The following DAPK1 variants were observed in gnomAD, a reference collection of about 807,000 sequenced individuals.
The protein encoded by DAPK1 is death associated protein kinase 1.
A neutral mutation model predicts 144.9 loss-of-function variants in DAPK1; 56 were observed. That is an observed-to-expected ratio of 0.39 (90% CI 0.31 to 0.48). DAPK1 has a LOEUF of 0.48. Ranked by LOEUF, DAPK1 falls within the 20% of genes least tolerant of loss-of-function variation. The pLI, the probability that DAPK1 is intolerant of heterozygous loss-of-function variation, is 0.95. For synonymous variants in DAPK1, 690 were observed against 749.0 expected, an observed-to-expected ratio of 0.92 and a Z score of 1.29; for missense variants, 1,454 against 1,875.4, an observed-to-expected ratio of 0.78 and a Z score of 4.15.
chr9:87,517,138 T>A (rs574995854), intron 2 of DAPK1, among the ~76,000 whole-genome samples: 141 of 151,818 alleles, frequency 9.3e-4, no homozygotes, highest in South Asian at 5.4e-3. Flanking sequence ...GAGTGAAGAA[T>A]GCGATTGGGG....
At chr9:87,546,274 G>A (rs752869867) in intron 2 of DAPK1, among the ~76,000 whole-genome samples, 2 of 152,176 alleles carry the variant, frequency 1.3e-5, no homozygotes, top group Admixed American at 6.5e-5. Flanking sequence ...AGCAGGGTCC[G>A]TCAGGAGGCA....
At chr9:87,659,384 A>G (rs1164991724) in intron 18 of DAPK1, among the ~76,000 whole-genome samples, 1 of 152,144 alleles carries the variant, frequency 6.6e-6, no homozygotes, top group Non-Finnish European at 1.5e-5. Flanking sequence ...CTTGTTGGCC[A>G]TTGTCAAGCC....
chr9:87,706,405 C>A lies in DAPK1; in HGVS notation c.3334C>A (p.Leu1112Met). 1 of 1,612,760 alleles carries A rather than the reference C, an allele frequency of 6.2e-7. No individual in the cohort carries two copies. The highest frequency in any genetic ancestry group is 8.5e-7 in the Non-Finnish European group (1 of 1,179,364). Residue 1112 changes from leucine to methionine, a missense_variant, in exon 26 of 26, where the codon CTG (leucine) becomes ATG (methionine). By Grantham distance (15) the Leu-to-Met change is conservative (BLOSUM62 2). This residue lies in a region of DAPK1 where 1,025 missense variants were observed against 1,237.9 expected (regional missense o/e 0.83). Transcript: ENST00000408954. The surrounding 1 kb of genome is among the most constrained non-coding windows in gnomAD (Gnocchi z 9.0). ...CCCAGCCCTGATCAAGACAGACAAC[C>A]TGCACCGCTCCTGGGCTGATGAGGA... ...DVPALIKTDN[L>M]HRSWADEEDE...
At chr9:87,598,817 A>G in intron 2 of DAPK1, among the ~76,000 whole-genome samples, 1 of 152,232 alleles carries the variant, frequency 6.6e-6, no homozygotes, top group East Asian at 1.9e-4. Flanking sequence ...AGAAACAGGA[A>G]TGCTGCCATC....
In DAPK1 at chr9:87,707,186, C is replaced by T; in HGVS notation, c.4115C>T (p.Thr1372Ile). Reference sequence around the variant, plus strand: ...GAATGGACCACCTACCCTGAGAGCACAGTGGGCACCCTCATGTCCAAACTG... The same window carrying T: ...GAATGGACCACCTACCCTGAGAGCATAGTGGGCACCCTCATGTCCAAACTG... Reference protein sequence around the residue: ...LREWTTYPESTVGTLMSKLRE... With the variant: ...LREWTTYPESIVGTLMSKLRE... The change falls in exon 26 of 26, where the codon ACA becomes ATA. Residue 1372 changes from threonine (T) to isoleucine (I), a missense_variant. Physicochemically the swap from Thr to Ile is moderately conservative, Grantham distance 89. Coordinates refer to ENST00000408954, the MANE Select transcript of DAPK1 (RefSeq NM_004938.4). This position sits in a 1 kb window ranked among gnomAD's most constrained non-coding sequence, Gnocchi z 4.0. The T allele has an allele frequency of 6.2e-7, 1 of 1,614,146 alleles. No individual in the cohort carries two copies. Among genetic ancestry groups the T allele is most frequent in the African/African-American group, 1.3e-5 (1 of 75,068 alleles).
At position 87,559,106 on chromosome 9, in the gene DAPK1, T is replaced by C. The variant is rs1826817233; in HGVS notation, c.63-45848T>C. Among the ~76,000 whole-genome samples, 4 of 152,246 alleles carry C rather than the reference T, an allele frequency of 2.6e-5. No homozygotes were observed. In the South Asian group the frequency reaches 8.3e-4, roughly 31 times the overall value. On this transcript the variant is annotated intron_variant, in intron 2 of 25. Transcript: ENST00000408954. Reference sequence around the variant, plus strand: ...GTTGGCATTCGTAGAGCCTGTACTCTGAGACGGGGATTTTGTGCTTGACGT... The same window carrying C: ...GTTGGCATTCGTAGAGCCTGTACTCCGAGACGGGGATTTTGTGCTTGACGT...
At chr9:87,552,400 C>T (rs192291677) in intron 2 of DAPK1, among the ~76,000 whole-genome samples, 49 of 123,460 alleles carry the variant, frequency 4.0e-4, no homozygotes, top group African/African-American at 1.3e-3. Flanking sequence ...TGAACAGTGA[C>T]GGGGCACCAC....
At chr9:87,613,245 C>T (rs1177618878) in intron 3 of DAPK1, among the ~76,000 whole-genome samples, 1 of 152,140 alleles carries the variant, frequency 6.6e-6, no homozygotes, top group Non-Finnish European at 1.5e-5. Context: ...ACCATCTTAA[C>T]CATTTTTAAG....
At chr9:87,543,655 G>A (rs1826133262) in intron 2 of DAPK1, among the ~76,000 whole-genome samples, 1 of 152,042 alleles carries the variant, frequency 6.6e-6, no homozygotes, top group South Asian at 2.1e-4. Flanking sequence ...AGCTGGATAA[G>A]GTAATAAAAA....
Position 87,697,202 on chromosome 9 carries a change from TA to T in DAPK1, c.2610del (p.Ile870MetfsTer7). On this transcript the variant is annotated frameshift_variant and splice_region_variant, in exon 22 of 26. Coordinates refer to ENST00000408954, the MANE Select transcript of DAPK1 (RefSeq NM_004938.4). LOFTEE classifies it high-confidence loss of function. ...LKSLVPVEEPIAFGGKLKNPL... is the reference protein window; with the variant it reads ...LKSLVPVEEPXAFGGKLKNPL... ...TCCCTTGTCCCAGTTGAAGAACCCA[TA>T]GGTGAGCTAAGTCCCTGCAGGCCAG... 6.8e-7 allele frequency: 1 copy of T among 1,463,698 alleles called. No individual in the cohort carries two copies. The highest frequency in any genetic ancestry group is 9.6e-7 in the Non-Finnish European group (1 of 1,042,802). The allele number at this position is 1,463,698 out of a possible 1,614,324, so 90.7% of individuals were successfully genotyped here.
intron 14 of DAPK1, among the ~76,000 whole-genome samples, chr9:87,648,229 T>C (rs889761097): frequency 6.6e-6 from 1 of 152,228 alleles, no homozygotes; most frequent in African/African-American, 2.4e-5. Context: ...TTCTGTGGGG[T>C]GGATAGAAGT....
rs180805673 is a variant in DAPK1 at position 87,565,028 on chromosome 9, A to G, written c.63-39926A>G. ...CTGTGTCTGGGAAAACACAGTGAAA[A>G]CCAGGAAGACCCTATCCACATTTGC... On this transcript the variant is annotated intron_variant, in intron 2 of 25. Coordinates refer to ENST00000408954, the MANE Select transcript of DAPK1 (RefSeq NM_004938.4). Among the ~76,000 whole-genome samples, 415 of 152,306 alleles carry G rather than the reference A, an allele frequency of 2.7e-3. 3 individuals carry two copies. Among genetic ancestry groups the G allele is most frequent in the Non-Finnish European group, 4.2e-3 (286 of 68,028 alleles).
chr9:87,637,900 G>T, intron 3 of DAPK1, 43 bp from the exon 4 acceptor site: 1 of 1,600,334 alleles, frequency 6.2e-7, no homozygotes, highest in South Asian at 1.1e-5. Flanking sequence ...GAATCAATAT[G>T]AAACAGAGTT....
intron 22 of DAPK1, chr9:87,698,452 T>A: frequency 5.9e-6 from 3 of 509,008 alleles, no homozygotes; most frequent in Non-Finnish European, 7.0e-6. Context: ...GCCTAGGAGA[T>A]AGGCTTATCC....
In DAPK1 at chr9:87,647,520, C is replaced by T. The variant is rs531610368; in HGVS notation, c.1329+117C>T. The stretch of plus-strand genomic sequence containing the variant: ...AAGGAAAGGAATCAGGACCAGAATT[C>T]ACCTGCAGAACATTTAAGTTGGAAA... On this transcript the variant is annotated intron_variant, in intron 14 of 25. Transcript: ENST00000408954. The T allele has an allele frequency of 8.1e-5, 66 of 813,412 alleles. 1 individual carries two copies. The highest frequency in any genetic ancestry group is 6.4e-4 in the Admixed American group (32 of 50,262). 50.4% of individuals were successfully genotyped at this position (813,412 alleles called of 1,614,324 possible). A position where few individuals can be genotyped will look rare whatever the true frequency, so the allele number is the denominator to read the frequency against.
chr9:87,662,000 A>G (rs1161454429), intron 18 of DAPK1, among the ~76,000 whole-genome samples: 1 of 152,180 alleles, frequency 6.6e-6, no homozygotes, highest in African/African-American at 2.4e-5. Context: ...GACTTCTGCA[A>G]ATGGTGAGAG....
chr9:87,706,027 T>C lies in DAPK1; in HGVS notation c.3061-105T>C. On this transcript the variant is annotated intron_variant, in intron 25 of 25. Coordinates refer to ENST00000408954, the MANE Select transcript of DAPK1 (RefSeq NM_004938.4). The surrounding 1 kb of genome is among the most constrained non-coding windows in gnomAD (Gnocchi z 9.0). ...GCCTTGGGTCACTCCTTAGAGCATC[T>C]GCTCAGCCTCTGTTGCCGGCATCAG... 1.2e-6 allele frequency: 1 copy of C among 803,434 alleles called. No individual in the cohort carries two copies. Among genetic ancestry groups the C allele is most frequent in the Middle Eastern group, 2.5e-4 (1 of 3,994 alleles). The allele number at this position is 803,434 out of a possible 1,614,324, so 49.8% of individuals were successfully genotyped here.
intron 2 of DAPK1, among the ~76,000 whole-genome samples, chr9:87,508,670 TACAACCCCTG>T (rs1270665282): frequency 2.0e-5 from 3 of 152,200 alleles, no homozygotes; most frequent in Non-Finnish European, 4.4e-5. Context: ...GAGACCTTAC[TACAACCCCTG>T]ACACCTGACC....
At chr9:87,646,624 G>T (rs1216438466) in intron 13 of DAPK1, 65 bp downstream of exon 13, 3 of 1,304,410 alleles carry the variant, frequency 2.3e-6, no homozygotes, top group Non-Finnish European at 3.3e-6. Context: ...TTAATCATAG[G>T]GGTAACAGAG....
Sources: allele counts gnomAD v4.1 joint callset (sites outside exome capture counted in the v4.1 genomes callset), GRCh38; gene constraint gnomAD v4.1.1; regional missense constraint gnomAD v4.1.1; non-coding constraint Gnocchi (gnomAD v3.1); transcripts MANE v1.5; gene names NCBI Gene and HGNC (gene_info 2026-07-23, HGNC 2026-07-21).